FHIT: variants seen among roughly 807,000 people sequenced by gnomAD.
FHIT encodes fragile histidine triad diadenosine triphosphatase.
FHIT carries 19 observed loss-of-function variants against 17.9 expected under a neutral mutation model. That is an observed-to-expected ratio of 1.06 (90% CI 0.74 to 1.56). The LOEUF (loss-of-function observed/expected upper bound fraction) is 1.56, where lower values mean the gene tolerates loss of function less well. Among genes scored for constraint, FHIT ranks in the 40% most tolerant of loss-of-function variants. The pLI, the probability that FHIT is intolerant of heterozygous loss-of-function variation, is 0.00. For missense variants in FHIT, 248 were observed against 189.2 expected, an observed-to-expected ratio of 1.31 and a Z score of -1.82; for synonymous variants, 81 against 69.7, an observed-to-expected ratio of 1.16 and a Z score of -0.81.
chr3:60,921,896 T>C (rs2107318209), intron 3 of FHIT, among the ~76,000 whole-genome samples: 1 of 152,270 alleles, frequency 6.6e-6, no homozygotes, highest in South Asian at 2.1e-4. Flanking sequence ...CATCACAGTG[T>C]AATAATAGTA....
At chr3:60,057,880 G>T (rs137992226) in intron 5 of FHIT, among the ~76,000 whole-genome samples, 1,630 of 152,088 alleles carry the variant, frequency 0.011, 26 homozygotes, top group African/African-American at 0.037. Context: ...TTTGGTCAGG[G>T]AAATGGATTT....
Position 60,911,797 on chromosome 3 carries a change from G to C in FHIT, c.-110-89786C>G, listed in dbSNP as rs191379241. Among the ~76,000 whole-genome samples, 5 of 152,216 alleles carry C rather than the reference G, an allele frequency of 3.3e-5. No individual in the cohort carries two copies. The East Asian group carries it at 9.6e-4, about 29-fold the overall frequency. ...GCTTCTGTCTGACAAATACCATAGA[G>C]AATGAAACAATAAGTCTGAAGCAAA... is the stretch of plus-strand genomic sequence containing the variant. On this transcript the variant is annotated intron_variant, in intron 3 of 9. Transcript: ENST00000492590.
At chr3:60,324,038 C>A (rs1228572431) in intron 5 of FHIT, among the ~76,000 whole-genome samples, 1 of 151,996 alleles carries the variant, frequency 6.6e-6, no homozygotes, top group Non-Finnish European at 1.5e-5. Flanking sequence ...GAAATGAAAT[C>A]TTATTAACAA....
chr3:60,232,831 G>C (rs904320329), intron 5 of FHIT, among the ~76,000 whole-genome samples: 2 of 152,188 alleles, frequency 1.3e-5, no homozygotes, highest in South Asian at 4.1e-4. Context: ...TCATTTTAAA[G>C]CTGCAAATGT....
At chr3:59,838,029 C>A (rs1474176625) in intron 8 of FHIT, among the ~76,000 whole-genome samples, 4 of 152,124 alleles carry the variant, frequency 2.6e-5, no homozygotes, top group African/African-American at 9.7e-5. Flanking sequence ...CATCCTCTCT[C>A]TCAGAATCAG....
intron 3 of FHIT, among the ~76,000 whole-genome samples, chr3:60,831,066 G>A (rs1269043346): frequency 6.6e-6 from 1 of 152,074 alleles, no homozygotes; most frequent in African/African-American, 2.4e-5. Flanking sequence ...AAACTCATCA[G>A]TACTAACAAC....
At chr3:60,683,947 C>CTTGT (rs782565805) in intron 4 of FHIT, among the ~76,000 whole-genome samples, 2 of 151,956 alleles carry the variant, frequency 1.3e-5, no homozygotes, top group Admixed American at 1.3e-4. Context: ...TCTTTGTTTG[C>CTTGT]TTGTTTGTTT....
chr3:59,778,597 C>T (rs974301143), intron 8 of FHIT, among the ~76,000 whole-genome samples: 2 of 152,174 alleles, frequency 1.3e-5, no homozygotes, highest in African/African-American at 4.8e-5. Context: ...AGATCATACA[C>T]AGACTTGGCT....
intron 5 of FHIT, among the ~76,000 whole-genome samples, chr3:60,459,581 G>C (rs1162192225): frequency 6.6e-6 from 1 of 152,106 alleles, no homozygotes; most frequent in Non-Finnish European, 1.5e-5. Context: ...CAAAAAGCAT[G>C]GCTCATTTTG....
chr3:60,924,903 G>A (rs138517919), intron 3 of FHIT, among the ~76,000 whole-genome samples: 16 of 152,284 alleles, frequency 1.1e-4, no homozygotes, highest in Non-Finnish European at 2.2e-4. Context: ...CCAGAACTAC[G>A]TGACGAATAC....
Position 60,090,247 on chromosome 3 carries a change from T to A in FHIT, c.104-76095A>T, listed in dbSNP as rs187438675. On this transcript the variant is annotated intron_variant, in intron 5 of 9. Coordinates refer to ENST00000492590, the MANE Select transcript of FHIT (RefSeq NM_002012.4). ...AAAGAGACTGCATGGTTTCCCAGTA[T>A]GAAAATGTGAAGGATCAATTCACAA... is the stretch of plus-strand genomic sequence containing the variant. Among the ~76,000 whole-genome samples, 196 of 152,254 alleles carry A rather than the reference T, an allele frequency of 1.3e-3. 1 individual carries two copies. Among genetic ancestry groups the A allele is most frequent in the African/African-American group, 3.8e-3 (158 of 41,574 alleles).
At chr3:61,050,214 A>G (rs1351550223) in intron 2 of FHIT, among the ~76,000 whole-genome samples, 2 of 152,190 alleles carry the variant, frequency 1.3e-5, no homozygotes, top group African/African-American at 4.8e-5. Flanking sequence ...ATGGGAATAA[A>G]AGGTATTTCT....
chr3:60,444,646 G>T (rs1173715428), intron 5 of FHIT, among the ~76,000 whole-genome samples: 1 of 152,008 alleles, frequency 6.6e-6, no homozygotes, highest in Non-Finnish European at 1.5e-5. Flanking sequence ...ATTGAACAAT[G>T]AGAACACCTG....
At chr3:60,310,679 G>A (rs1708901413) in intron 5 of FHIT, among the ~76,000 whole-genome samples, 1 of 152,016 alleles carries the variant, frequency 6.6e-6, no homozygotes, top group Non-Finnish European at 1.5e-5. Flanking sequence ...ACGTATTCCT[G>A]AAACACACAA....
chr3:60,888,842 A>G (rs1705355972), intron 3 of FHIT, among the ~76,000 whole-genome samples: 1 of 152,212 alleles, frequency 6.6e-6, no homozygotes, highest in Non-Finnish European at 1.5e-5. Context: ...ATATAGACAG[A>G]TCTTTTGTAT....
chr3:60,538,469 A>G (rs2036067184), intron 4 of FHIT, among the ~76,000 whole-genome samples: 1 of 152,140 alleles, frequency 6.6e-6, no homozygotes, highest in African/African-American at 2.4e-5. Context: ...CCAAAAAAGA[A>G]CCTGCATTGC....
intron 5 of FHIT, among the ~76,000 whole-genome samples, chr3:60,097,312 T>A (rs1364156759): frequency 6.6e-6 from 1 of 152,054 alleles, no homozygotes; most frequent in African/African-American, 2.4e-5. Flanking sequence ...CCCTTGACCA[T>A]GATGGGTCTA....
chr3:60,255,212 T>C (rs1244231558), intron 5 of FHIT, among the ~76,000 whole-genome samples: 1 of 152,188 alleles, frequency 6.6e-6, no homozygotes, highest in Non-Finnish European at 1.5e-5. Context: ...TGTTTGTTTT[T>C]CTCACTGAGG....
At chr3:61,057,101 C>T (rs912679859) in intron 2 of FHIT, among the ~76,000 whole-genome samples, 21 of 152,196 alleles carry the variant, frequency 1.4e-4, no homozygotes, top group African/African-American at 4.8e-4. Flanking sequence ...GAACCTTTGA[C>T]ATAACAGACA....
Sources: gnomAD v4.1 joint callset for allele counts (sites outside exome capture counted in the v4.1 genomes callset) on GRCh38, gnomAD v4.1.1 for gene constraint, MANE v1.5 for transcripts, NCBI Gene and HGNC (gene_info 2026-07-23, HGNC 2026-07-21) for gene names.